HS6ST2: variants seen among roughly 807,000 people sequenced by gnomAD.
The protein encoded by HS6ST2 is heparan-sulfate 6-O-sulfotransferase 2.
In HS6ST2, 17 loss-of-function variants were observed where a neutral mutation model predicts 33.0. The observed-to-expected ratio is 0.52, with a 90% CI of 0.35 to 0.77. The LOEUF is 0.77. Ranked by LOEUF, HS6ST2 falls within the 30% of genes least tolerant of loss-of-function variation. The pLI is 0.01. For synonymous variants in HS6ST2, 248 were observed against 237.1 expected, an observed-to-expected ratio of 1.05 and a Z score of -0.42; for missense variants, 519 against 551.7, an observed-to-expected ratio of 0.94 and a Z score of 0.59.
intron 4 of HS6ST2, among the ~76,000 whole-genome samples, chrX:132,648,666 C>T (rs1270673235): frequency 2.7e-5 from 3 of 111,257 alleles, no homozygotes; most frequent in Admixed American, 9.5e-5. Flanking sequence ...CCTATACCTG[C>T]GCTTTTTGTG....
intron 2 of HS6ST2, among the ~76,000 whole-genome samples, chrX:132,752,078 A>C (rs991334067): frequency 2.7e-5 from 3 of 111,971 alleles, no homozygotes; most frequent in African/African-American, 9.7e-5. Flanking sequence ...AGTCTCTCTG[A>C]AACCAGAGCC....
intron 2 of HS6ST2, among the ~76,000 whole-genome samples, chrX:132,747,036 G>A (rs73638577): frequency 0.12 from 13,795 of 111,826 alleles, 791 homozygotes; most frequent in East Asian, 0.29. Flanking sequence ...GCTGGACCCC[G>A]TGCTATCCAC....
intron 2 of HS6ST2, among the ~76,000 whole-genome samples, chrX:132,855,101 C>G (rs1171583437): frequency 8.9e-6 from 1 of 112,224 alleles, no homozygotes; most frequent in Non-Finnish European, 1.9e-5. Flanking sequence ...CTGTTACCTT[C>G]AAATCTTCCC....
chrX:132,633,026 T>C (rs1296700330), intron 4 of HS6ST2, among the ~76,000 whole-genome samples: 1 of 101,207 alleles, frequency 9.9e-6, no homozygotes, highest in Non-Finnish European at 2.0e-5. Flanking sequence ...CAGTGCACCA[T>C]GGTATCACCA....
At chrX:132,734,575 C>G (rs1465289405) in intron 2 of HS6ST2, among the ~76,000 whole-genome samples, 1 of 111,874 alleles carries the variant, frequency 8.9e-6, no homozygotes, top group Non-Finnish European at 1.9e-5. Context: ...ATGCATTTCC[C>G]CACATGGGCT....
chrX:132,926,852 G>A (rs960373489), intron 2 of HS6ST2, among the ~76,000 whole-genome samples: 1 of 111,841 alleles, frequency 8.9e-6, no homozygotes, highest in Non-Finnish European at 1.9e-5. Context: ...GAACCCAGGA[G>A]GTGGAGGTTG....
At chrX:132,826,100 A>G (rs2148382517) in intron 2 of HS6ST2, among the ~76,000 whole-genome samples, 1 of 112,775 alleles carries the variant, frequency 8.9e-6, no homozygotes, top group Admixed American at 9.4e-5. Flanking sequence ...GCTTGGACAC[A>G]TTATAAATTA....
At chrX:132,724,511 C>CA (rs1293289016) in intron 2 of HS6ST2, among the ~76,000 whole-genome samples, 1 of 110,840 alleles carries the variant, frequency 9.0e-6, no homozygotes, top group Admixed American at 9.6e-5. Flanking sequence ...AAGAGGACAC[C>CA]AAAAAATGGA....
At chrX:132,890,516 G>A (rs73636104) in intron 2 of HS6ST2, among the ~76,000 whole-genome samples, 1 of 108,999 alleles carries the variant, frequency 9.2e-6, no homozygotes, top group Non-Finnish European at 1.9e-5. Flanking sequence ...GGCTATTATT[G>A]GGATCAGAGC....
intron 2 of HS6ST2, among the ~76,000 whole-genome samples, chrX:132,801,810 AT>A (rs937232348): frequency 1.8e-5 from 2 of 112,419 alleles, no homozygotes; most frequent in African/African-American, 6.5e-5. Flanking sequence ...AGGATGCCCT[AT>A]GAAACCATCT....
rs1405586852 is a variant in HS6ST2, at chrX:132,958,170, C to G, written c.428+5G>C. On this transcript the variant is annotated splice_donor_5th_base_variant and intron_variant, in intron 1 of 4. Coordinates refer to ENST00000370833, the MANE Select transcript of HS6ST2 (RefSeq NM_001394073.1). ...GCGCGAACCCCGCTTTCACCTAGAA[C>G]GTACCTGGCCATGGGGCCGAAAATC... The G allele has an allele frequency of 4.1e-5, 46 of 1,132,087 alleles. No homozygotes were observed. The highest frequency in any genetic ancestry group is 1.5e-4 in the East Asian group (5 of 32,316). The allele number at this position is 1,132,087 out of a possible 1,213,427, so 93.3% of individuals were successfully genotyped here. A position where few individuals can be genotyped will look rare whatever the true frequency, so the allele number is the denominator to read the frequency against.
chrX:132,675,540 T>C (rs1042628532), intron 3 of HS6ST2, among the ~76,000 whole-genome samples: 3 of 111,803 alleles, frequency 2.7e-5, no homozygotes, highest in Admixed American at 9.5e-5. Context: ...ATGCCCATAG[T>C]CTGCTTCTCC....
intron 2 of HS6ST2, among the ~76,000 whole-genome samples, chrX:132,949,836 G>C (rs1415435296): frequency 9.0e-6 from 1 of 110,512 alleles, no homozygotes; most frequent in Non-Finnish European, 1.9e-5. Flanking sequence ...AGATTTGGGA[G>C]GGGTAGGAGA....
At chrX:132,678,310 T>C (rs746510583) in intron 3 of HS6ST2, among the ~76,000 whole-genome samples, 10 of 112,127 alleles carry the variant, frequency 8.9e-5, no homozygotes, top group Non-Finnish European at 1.9e-4. Context: ...GAGCTGTGAT[T>C]GCACCACTGC....
chrX:132,940,439 A>T (rs772943525), intron 2 of HS6ST2, among the ~76,000 whole-genome samples: 5 of 112,188 alleles, frequency 4.5e-5, no homozygotes, highest in Non-Finnish European at 7.5e-5. Flanking sequence ...GGACTTCACC[A>T]AAATTTAAAA....
chrX:132,780,345 G>A (rs1336678462), intron 2 of HS6ST2, among the ~76,000 whole-genome samples: 1 of 110,312 alleles, frequency 9.1e-6, no homozygotes, highest in African/African-American at 3.3e-5. Flanking sequence ...CTTCATCCTG[G>A]CTGAAAACAA....
chrX:132,813,907 A>G (rs2065372812), intron 2 of HS6ST2, among the ~76,000 whole-genome samples: 1 of 111,656 alleles, frequency 9.0e-6, no homozygotes, highest in Non-Finnish European at 1.9e-5. Context: ...CAATGAAAAT[A>G]TGTTTCCCCA....
chrX:132,837,332 C>CGTGT (rs10592129), intron 2 of HS6ST2, among the ~76,000 whole-genome samples: 100 of 103,355 alleles, frequency 9.7e-4, no homozygotes, highest in Middle Eastern at 5.1e-3. Context: ...ACAGTATAGC[C>CGTGT]GTGTGTGTGT....
At chrX:132,776,212 G>T (rs1357073945) in intron 2 of HS6ST2, among the ~76,000 whole-genome samples, 1 of 111,974 alleles carries the variant, frequency 8.9e-6, no homozygotes, top group Non-Finnish European at 1.9e-5. Context: ...ATATGAAAGT[G>T]GCACAACATA....
Sources: allele counts gnomAD v4.1 joint callset (sites outside exome capture counted in the v4.1 genomes callset), GRCh38; gene constraint gnomAD v4.1.1; transcripts MANE v1.5; gene names NCBI Gene and HGNC (gene_info 2026-07-23, HGNC 2026-07-21).